Variants in DENND2B observed in about 807,000 individuals in gnomAD.
DENND2B encodes DENN domain-containing protein 2B.
A neutral mutation model predicts 116.0 loss-of-function variants in DENND2B; 32 were observed. The ratio of observed to expected loss-of-function variants is 0.28; its 90% CI spans 0.21 to 0.37. The LOEUF is 0.37. DENND2B is among the 10% of genes least tolerant of loss of function. The probability of loss-of-function intolerance (pLI) is 1.00; values close to 1 mark genes in which losing one functional copy is unlikely to be tolerated. For missense variants in DENND2B, 1,276 were observed against 1,477.7 expected, an observed-to-expected ratio of 0.86 and a Z score of 2.24; for synonymous variants, 588 against 583.9, an observed-to-expected ratio of 1.01 and a Z score of -0.10.
chr11:8,704,235 C>A (rs971728112), intron 13 of DENND2B, among the ~76,000 whole-genome samples: 4 of 152,192 alleles, frequency 2.6e-5, no homozygotes, highest in African/African-American at 9.7e-5. Flanking sequence ...CAGGGACAGG[C>A]AGGACATCTA....
intron 4 of DENND2B, among the ~76,000 whole-genome samples, chr11:8,819,353 T>C (rs191118909): frequency 5.5e-4 from 83 of 152,004 alleles, no homozygotes; most frequent in Non-Finnish European, 1.1e-3. Context: ...GCCATGATCA[T>C]GCCACTGCAC....
At chr11:8,728,255 A>G (rs2047470215) in intron 3 of DENND2B, among the ~76,000 whole-genome samples, 3 of 152,124 alleles carry the variant, frequency 2.0e-5, no homozygotes, top group African/African-American at 7.2e-5. Context: ...CTCCCACTTT[A>G]GCCTCCCAAA....
chr11:8,890,719 C>A (rs1040169101), intron 1 of DENND2B, among the ~76,000 whole-genome samples: 3 of 152,170 alleles, frequency 2.0e-5, no homozygotes, highest in Non-Finnish European at 4.4e-5. Flanking sequence ...TGAACAAAGC[C>A]TTCAAGAAAT....
intron 2 of DENND2B, among the ~76,000 whole-genome samples, chr11:8,866,391 C>G (rs1219631505): frequency 6.6e-6 from 1 of 152,164 alleles, no homozygotes; most frequent in African/African-American, 2.4e-5. Flanking sequence ...TGCAACCAAA[C>G]ATTTCTAACA....
intron 4 of DENND2B, among the ~76,000 whole-genome samples, chr11:8,829,084 TTGTG>T (rs912268241): frequency 1.4e-5 from 2 of 146,256 alleles, no homozygotes; most frequent in East Asian, 2.0e-4. Flanking sequence ...TATGGTGTGT[TTGTG>T]TGTGTGGTGT....
exon 2 of DENND2B, chr11:8,871,004 GGGAGCCGCGCGGCCCGGAGGA>G (rs1475064584): frequency 6.6e-6 from 1 of 151,724 alleles, no homozygotes; most frequent in African/African-American, 2.4e-5. Context: ...GGGTCTCGCC[GGGAGCCGCGCGGCCCGGAGGA>G]GGAGCCGCTC....
At chr11:8,694,765 A>C in intron 19 of DENND2B, 2 of 361,020 alleles carry the variant, frequency 5.5e-6, no homozygotes, top group South Asian at 4.4e-5. Context: ...AATACAGTAT[A>C]ATATCTATTT....
At chr11:8,774,607 T>C (rs1310770516) in intron 1 of DENND2B, among the ~76,000 whole-genome samples, 1 of 152,170 alleles carries the variant, frequency 6.6e-6, no homozygotes, top group Non-Finnish European at 1.5e-5. Flanking sequence ...GGCTGTGCCC[T>C]GCTCCCATCC....
intron 1 of DENND2B, among the ~76,000 whole-genome samples, chr11:8,882,327 G>A (rs1302156366): frequency 1.3e-5 from 2 of 152,084 alleles, no homozygotes; most frequent in Admixed American, 6.5e-5. Flanking sequence ...AGCCTTCTCC[G>A]ACTTCTTCCT....
intron 11 of DENND2B, among the ~76,000 whole-genome samples, chr11:8,709,181 G>A (rs1164238727): frequency 1.3e-5 from 2 of 152,200 alleles, no homozygotes; most frequent in Non-Finnish European, 2.9e-5. Flanking sequence ...CTGGCCACAC[G>A]TCACAGATCT....
chr11:8,812,230 G>A (rs2061412452), upstream of DENND2B, among the ~76,000 whole-genome samples: 1 of 152,164 alleles, frequency 6.6e-6, no homozygotes, highest in Admixed American at 6.5e-5. Context: ...ATGAGATAAC[G>A]CTGGGCTCCC....
chr11:8,869,032 T>C (rs2063682994), intron 2 of DENND2B, among the ~76,000 whole-genome samples: 1 of 152,244 alleles, frequency 6.6e-6, no homozygotes, highest in Non-Finnish European at 1.5e-5. Context: ...CAGTGTATTT[T>C]ACATGCGGCC....
At position 8,730,235 on chromosome 11, in the gene DENND2B, G is replaced by C; in HGVS notation, c.1055C>G (p.Pro352Arg). The stretch of plus-strand genomic sequence containing the variant: ...AGTGGAACCACTGCCTTCCCTCTCT[G>C]GGGGTGGGCCCGCCTCCCCCGCAAC... ...AGVAGEAGPP[P>R]EREGSGSTKP... is the part of the protein sequence containing the mutation. Residue 352 changes from proline to arginine, a missense_variant, in exon 3 of 20, where the codon CCA becomes CGA. Pro to Arg is a moderately radical substitution (Grantham distance 103, BLOSUM62 -2). This residue lies in a region of DENND2B where 856 missense variants were observed against 846.6 expected (regional missense o/e 1.01). Transcript: ENST00000313726. The surrounding 1 kb of genome is among the most constrained non-coding windows in gnomAD (Gnocchi z 4.1). 1 of 1,612,556 alleles carries C rather than the reference G, an allele frequency of 6.2e-7. No individual in the cohort carries two copies. Among genetic ancestry groups the C allele is most frequent in the Non-Finnish European group, 8.5e-7 (1 of 1,179,480 alleles).
chr11:8,807,031 A>G (rs1203405998), intron 1 of DENND2B, among the ~76,000 whole-genome samples: 1 of 151,416 alleles, frequency 6.6e-6, no homozygotes. Flanking sequence ...CCCTCCTCGC[A>G]GCCTGCCCTA....
chr11:8,806,999 T>C (rs780746706), intron 1 of DENND2B, among the ~76,000 whole-genome samples: 2 of 151,760 alleles, frequency 1.3e-5, no homozygotes, highest in African/African-American at 2.4e-5. Context: ...AACTCAATTA[T>C]CTGCCTGCAG....
intron 2 of DENND2B, among the ~76,000 whole-genome samples, chr11:8,732,064 A>C (rs777109922): frequency 3.9e-5 from 6 of 152,162 alleles, no homozygotes; most frequent in Non-Finnish European, 8.8e-5. Flanking sequence ...GACAGGTCAG[A>C]AGCGCCCCTC....
Position 8,707,751 on chromosome 11 carries a change from G to T in DENND2B, c.2430+26C>A, listed in dbSNP as rs769217610. The T allele has an allele frequency of 9.4e-6, 15 of 1,589,946 alleles. No individual in the cohort carries two copies. The highest frequency in any genetic ancestry group is 1.3e-5 in the African/African-American group (1 of 74,680). On this transcript the variant is annotated intron_variant, in intron 12 of 19. Coordinates refer to ENST00000313726, the MANE Select transcript of DENND2B (RefSeq NM_213618.2). The surrounding 1 kb of genome is among the most constrained non-coding windows in gnomAD (Gnocchi z 4.8). ...TGGGAGCTGTCAGCTGGGGGACGGG[G>T]AGGGAAGCCTGCCAGAGCCTCTTAC...
At chr11:8,732,631 T>A (rs981627584) in intron 2 of DENND2B, among the ~76,000 whole-genome samples, 1 of 138,876 alleles carries the variant, frequency 7.2e-6, no homozygotes, top group Non-Finnish European at 1.6e-5. Context: ...CGGTGAATGA[T>A]GAAGAGCAAA....
chr11:8,726,352 A>G (rs961401340), intron 3 of DENND2B, 143 bp from the exon 4 acceptor site: 2 of 1,096,528 alleles, frequency 1.8e-6, no homozygotes, highest in African/African-American at 1.6e-5. Flanking sequence ...GTCCAAACTT[A>G]CCATCCAAAT....
Sources: gnomAD v4.1 joint callset for allele counts (sites outside exome capture counted in the v4.1 genomes callset) on GRCh38, gnomAD v4.1.1 for gene constraint, gnomAD v4.1.1 regional missense constraint, Gnocchi (gnomAD v3.1) non-coding constraint, MANE v1.5 for transcripts, NCBI Gene and HGNC (gene_info 2026-07-23, HGNC 2026-07-21) for gene names.